The following CDH1 variants were observed in gnomAD, a reference collection of about 807,000 sequenced individuals.
CDH1 encodes the protein cadherin 1.
Under a neutral mutation model 84.5 loss-of-function variants are expected in CDH1, and 35 were observed. The ratio of observed to expected loss-of-function variants is 0.41; its 90% CI spans 0.32 to 0.55. The LOEUF (loss-of-function observed/expected upper bound fraction) is 0.55, where lower values mean the gene tolerates loss of function less well. Ranked by LOEUF, CDH1 falls within the 20% of genes least tolerant of loss-of-function variation. The pLI, the probability that CDH1 is intolerant of heterozygous loss-of-function variation, is 0.19. For missense variants in CDH1, 994 were observed against 1,126.6 expected (o/e 0.88, Z 1.68); for synonymous variants, 417 against 439.0 (o/e 0.95, Z 0.63).
intron 2 of CDH1, among the ~76,000 whole-genome samples, chr16:68,751,525 C>T (rs112697834): frequency 3.1e-5 from 4 of 129,822 alleles, no homozygotes; most frequent in African/African-American, 9.2e-5. Context: ...TATTTAGAGA[C>T]GGAGTCTCAC....
In CDH1 at chr16:68,822,287, A is replaced by G; in HGVS notation, c.1936+62A>G. The G allele has an allele frequency of 3.7e-6, 4 of 1,091,984 alleles. No homozygotes were observed. In the East Asian group the frequency reaches 9.5e-5, roughly 26 times the overall value. 67.6% of individuals were successfully genotyped at this position (1,091,984 alleles called of 1,614,324 possible). A position where few individuals can be genotyped will look rare whatever the true frequency, so the allele number is the denominator to read the frequency against. ...AACTGCCATGCTTCCCTTCCCCCAGATCCCCACCTTTCAATTTCCCTTCTC... is the reference window on the plus strand; with the variant it reads ...AACTGCCATGCTTCCCTTCCCCCAGGTCCCCACCTTTCAATTTCCCTTCTC... On this transcript the variant is annotated intron_variant, in intron 12 of 15. Transcript: ENST00000261769.
chr16:68,738,170 G>A (rs1341362784), intron 1 of CDH1, 127 bp from the exon 2 acceptor site: 10 of 644,600 alleles, frequency 1.6e-5, no homozygotes, highest in Admixed American at 3.0e-5. Context: ...CCCGTCCCGG[G>A]GCTGCGGGCT....
At chr16:68,797,946 G>T (rs781399732) in intron 2 of CDH1, among the ~76,000 whole-genome samples, 15 of 152,002 alleles carry the variant, frequency 9.9e-5, no homozygotes, top group Admixed American at 2.6e-4. Flanking sequence ...GGGCGTGGTG[G>T]TGTGCACCTG....
intron 2 of CDH1, among the ~76,000 whole-genome samples, chr16:68,741,666 A>G (rs984075646): frequency 2.0e-5 from 3 of 151,938 alleles, no homozygotes; most frequent in African/African-American, 7.2e-5. Flanking sequence ...AAAAAAACCA[A>G]ACTCAACTGT....
At chr16:68,767,589 T>G (rs894250861) in intron 2 of CDH1, among the ~76,000 whole-genome samples, 4 of 152,260 alleles carry the variant, frequency 2.6e-5, no homozygotes, top group African/African-American at 9.6e-5. Flanking sequence ...AAAACAACAT[T>G]TCTTTTTCAA....
chr16:68,753,960 CA>C (rs937016891), intron 2 of CDH1, among the ~76,000 whole-genome samples: 4 of 149,652 alleles, frequency 2.7e-5, no homozygotes, highest in South Asian at 2.1e-4. Flanking sequence ...ACTAAAAATA[CA>C]AAAAAAAATT....
intron 2 of CDH1, among the ~76,000 whole-genome samples, chr16:68,755,557 T>C (rs1376314530): frequency 1.3e-5 from 2 of 151,400 alleles, no homozygotes; most frequent in East Asian, 4.0e-4. Flanking sequence ...GGCCAGGCAT[T>C]TTCTAGAGAA....
intron 10 of CDH1, 24 bp from the exon 11 acceptor site, chr16:68,819,256 A>G (rs902264685): frequency 1.2e-6 from 2 of 1,614,034 alleles, no homozygotes; most frequent in African/African-American, 2.7e-5. Context: ...CCTATTCTAA[A>G]AGCCAGAGCT....
At chr16:68,827,462 G>T (rs1002776393) in intron 13 of CDH1, among the ~76,000 whole-genome samples, 1 of 150,984 alleles carries the variant, frequency 6.6e-6, no homozygotes, top group Non-Finnish European at 1.5e-5. Context: ...AAAGTTAAAT[G>T]TTAATTGTGT....
At chr16:68,752,939 C>T (rs1962921564) in intron 2 of CDH1, among the ~76,000 whole-genome samples, 1 of 152,184 alleles carries the variant, frequency 6.6e-6, no homozygotes, top group Admixed American at 6.5e-5. Flanking sequence ...CTGGGTATCT[C>T]AGCATCCTTC....
Position 68,801,813 on chromosome 16 carries a change from T to A in CDH1, c.307T>A (p.Trp103Arg), listed in dbSNP as rs550619440. The change falls in exon 3 of 16, where the codon TGG (tryptophan) becomes AGG (arginine). Residue 103 changes from tryptophan (W) to arginine (R), a missense_variant. Coordinates refer to ENST00000261769, the MANE Select transcript of CDH1 (RefSeq NM_004360.5). ...ACAGATCCATTTCTTGGTCTACGCC[T>A]GGGACTCCACCTACAGAAAGTTTTC... Reference protein sequence around the residue: ...NPQIHFLVYAWDSTYRKFSTK... With the variant: ...NPQIHFLVYARDSTYRKFSTK... 6.2e-7 allele frequency: 1 copy of A among 1,614,188 alleles called. No individual in the cohort carries two copies. Among genetic ancestry groups the A allele is most frequent in the South Asian group, 1.1e-5 (1 of 91,084 alleles).
At chr16:68,789,023 TAAAAG>T (rs1184308023) in intron 2 of CDH1, among the ~76,000 whole-genome samples, 9 of 151,366 alleles carry the variant, frequency 5.9e-5, no homozygotes, top group Admixed American at 5.3e-4. Context: ...AATGAATAAA[TAAAAG>T]AAAGTTGGAC....
At chr16:68,759,935 A>G (rs917071620) in intron 2 of CDH1, among the ~76,000 whole-genome samples, 8 of 151,980 alleles carry the variant, frequency 5.3e-5, no homozygotes, top group Admixed American at 2.6e-4. Flanking sequence ...TTCTAGATCC[A>G]TCACTTTGGC....
chr16:68,784,089 G>A (rs897850368), intron 2 of CDH1, among the ~76,000 whole-genome samples: 3 of 152,108 alleles, frequency 2.0e-5, no homozygotes, highest in Admixed American at 2.0e-4. Flanking sequence ...CAAGATTGTA[G>A]TGGCCCTCCG....
chr16:68,792,379 G>A (rs111506490), intron 2 of CDH1, among the ~76,000 whole-genome samples: 1,557 of 152,030 alleles, frequency 0.01, 13 homozygotes, highest in Non-Finnish European at 0.016. Flanking sequence ...ACAGGCATGC[G>A]CCACCACGCC....
At chr16:68,737,861 G>A (rs922367674) in intron 1 of CDH1, among the ~76,000 whole-genome samples, 2 of 152,140 alleles carry the variant, frequency 1.3e-5, no homozygotes, top group African/African-American at 2.4e-5. Context: ...AGGGGCATCC[G>A]TAGAAATAAA....
chr16:68,737,564 T>C, intron 1 of CDH1, 101 bp downstream of exon 1: 3 of 1,065,814 alleles, frequency 2.8e-6, no homozygotes, highest in East Asian at 2.6e-5. Context: ...CTTCCCTTCT[T>C]CCAAGAAAGT....
chr16:68,802,759 C>T (rs1376962638), intron 3 of CDH1, among the ~76,000 whole-genome samples: 2 of 152,200 alleles, frequency 1.3e-5, no homozygotes, highest in Non-Finnish European at 1.5e-5. Flanking sequence ...GAGTGAGCCA[C>T]TGCGCCTGGC....
chr16:68,768,401 A>G (rs1015733927), intron 2 of CDH1, among the ~76,000 whole-genome samples: 1 of 152,242 alleles, frequency 6.6e-6, no homozygotes, highest in African/African-American at 2.4e-5. Flanking sequence ...CTATGAGTTA[A>G]GCATAAATCT....
Sources: gnomAD v4.1 joint callset for allele counts (sites outside exome capture counted in the v4.1 genomes callset) on GRCh38, gnomAD v4.1.1 for gene constraint, MANE v1.5 for transcripts, NCBI Gene and HGNC (gene_info 2026-07-23, HGNC 2026-07-21) for gene names.